The following ASB7 variants were observed in gnomAD, a reference collection of about 807,000 sequenced individuals.
ASB7 encodes ankyrin repeat and SOCS box containing 7, also known as ankyrin repeat and SOCS box protein 7.
A neutral mutation model predicts 32.5 loss-of-function variants in ASB7; 4 were observed. That is an observed-to-expected ratio of 0.12 (90% CI 0.06 to 0.28). The LOEUF is 0.28. Among genes scored for constraint, ASB7 ranks in the 10% least tolerant of loss-of-function variants. The probability of loss-of-function intolerance (pLI) is 1.00; values close to 1 mark genes in which losing one functional copy is unlikely to be tolerated. For synonymous variants in ASB7, 172 were observed against 155.6 expected (o/e 1.11, Z -0.78); for missense variants, 181 against 407.1 (o/e 0.44, Z 4.78).
chr15:100,630,358 T>G, intron 5 of ASB7: 1 of 317,914 alleles, frequency 3.1e-6, no homozygotes, highest in Non-Finnish European at 5.1e-6. Context: ...TTCCTGTTGG[T>G]CATAAGGATA....
At chr15:100,621,846 CTT>C (rs2039795135) in intron 4 of ASB7, among the ~76,000 whole-genome samples, 1 of 149,474 alleles carries the variant, frequency 6.7e-6, no homozygotes, top group Non-Finnish European at 1.5e-5. Flanking sequence ...ATTGATGAAT[CTT>C]TGTCTAGAAT....
At chr15:100,631,486 G>C (rs997111383) in intron 5 of ASB7, among the ~76,000 whole-genome samples, 1 of 152,292 alleles carries the variant, frequency 6.6e-6, no homozygotes, top group South Asian at 2.1e-4. Flanking sequence ...GATACCCGCA[G>C]TGCTGCAGTC....
At chr15:100,633,099 G>A (rs539235216) in intron 5 of ASB7, among the ~76,000 whole-genome samples, 2 of 152,068 alleles carry the variant, frequency 1.3e-5, no homozygotes, top group South Asian at 2.1e-4. Flanking sequence ...ACAGCTAAGA[G>A]GAGCCATAGC....
chr15:100,628,039 G>A (rs2039854386), intron 4 of ASB7, among the ~76,000 whole-genome samples: 1 of 152,194 alleles, frequency 6.6e-6, no homozygotes, highest in Admixed American at 6.5e-5. Context: ...TTAAATTTAA[G>A]TCCTGTGGTA....
In ASB7 at chr15:100,633,411, T is replaced by C. The variant is rs546851664; in HGVS notation, c.817+3369T>C. Among the ~76,000 whole-genome samples the C allele has an allele frequency of 2.0e-5, 3 of 152,104 alleles. No individual in the cohort carries two copies. The East Asian group carries it at 5.8e-4, about 30-fold the overall frequency. ...GGCCAACGTGGTGAAACCCCATCTC[T>C]ACTAAAAATACAAAAATTAGCCGGG... On this transcript the variant is annotated intron_variant, in intron 5 of 5. Transcript: ENST00000332783.
chr15:100,641,831 G>A (rs1243462848), intron 5 of ASB7, among the ~76,000 whole-genome samples: 3 of 152,200 alleles, frequency 2.0e-5, no homozygotes, highest in Non-Finnish European at 4.4e-5. Flanking sequence ...TGGCACTATT[G>A]TAAGCACTTT....
chr15:100,642,533 T>G (rs1197924535), intron 5 of ASB7, among the ~76,000 whole-genome samples: 1 of 152,234 alleles, frequency 6.6e-6, no homozygotes, highest in Non-Finnish European at 1.5e-5. Context: ...CTTAAAGCCC[T>G]TCTGGCTTCC....
chr15:100,617,329 T>A (rs1044993650), intron 4 of ASB7, among the ~76,000 whole-genome samples: 10 of 152,264 alleles, frequency 6.6e-5, no homozygotes, highest in Non-Finnish European at 1.3e-4. Flanking sequence ...GTTTATAGTG[T>A]GATCCACATG....
intron 5 of ASB7, among the ~76,000 whole-genome samples, chr15:100,639,122 G>A (rs182262144): frequency 1.3e-4 from 20 of 152,252 alleles, no homozygotes; most frequent in East Asian, 5.8e-4. Context: ...GGGCTGGGCT[G>A]TATTTTGATT....
chr15:100,606,569 A>G (rs1239121670), intron 2 of ASB7, among the ~76,000 whole-genome samples: 3 of 152,234 alleles, frequency 2.0e-5, no homozygotes, highest in Non-Finnish European at 2.9e-5. Flanking sequence ...TATGTGAAGC[A>G]AGAAGTTTTG....
intron 4 of ASB7, chr15:100,612,630 C>A (rs1036995497): frequency 6.7e-6 from 4 of 598,994 alleles, no homozygotes; most frequent in South Asian, 6.1e-5. Flanking sequence ...TGAATGGATT[C>A]TTTTCCCTGA....
In ASB7 at chr15:100,635,961, C is replaced by T. The variant is rs560778702; in HGVS notation, c.817+5919C>T. On this transcript the variant is annotated intron_variant, in intron 5 of 5. Transcript: ENST00000332783. ...TTACTCTCACCTCCTCATGCTGGAG[C>T]CATGAGAGTGTCTTTACTGGCTCTT... 2.0e-5 allele frequency among the ~76,000 whole-genome samples: 3 copies of T among 152,296 alleles called. No homozygotes were observed. The South Asian group carries it at 6.2e-4, about 32-fold the overall frequency.
intron 5 of ASB7, among the ~76,000 whole-genome samples, chr15:100,634,430 T>G (rs2039907344): frequency 6.6e-6 from 1 of 152,210 alleles, no homozygotes; most frequent in Non-Finnish European, 1.5e-5. Flanking sequence ...TCAGAATGCT[T>G]AAGCACAAAT....
At chr15:100,631,134 A>G (rs1468614008) in intron 5 of ASB7, among the ~76,000 whole-genome samples, 1 of 152,214 alleles carries the variant, frequency 6.6e-6, no homozygotes, top group East Asian at 1.9e-4. Context: ...TAATGTTTTC[A>G]GACTAAAGCG....
chr15:100,634,046 C>G (rs1378544542), intron 5 of ASB7, among the ~76,000 whole-genome samples: 1 of 152,154 alleles, frequency 6.6e-6, no homozygotes, highest in Non-Finnish European at 1.5e-5. Context: ...GTGACACAAG[C>G]AGATGTTATT....
chr15:100,610,230 C>G (rs11852820), intron 3 of ASB7, among the ~76,000 whole-genome samples: 57,609 of 151,796 alleles, frequency 0.38, 11,242 homozygotes, highest in South Asian at 0.47. Context: ...CGCAGTGGCT[C>G]ACGCCTGTAA....
intron 5 of ASB7, among the ~76,000 whole-genome samples, chr15:100,638,671 C>T (rs28445593): frequency 0.014 from 2,098 of 152,284 alleles, 46 homozygotes; most frequent in African/African-American, 0.048. Flanking sequence ...CTTACTTTGA[C>T]AGAGCATCTT....
intron 4 of ASB7, among the ~76,000 whole-genome samples, chr15:100,616,888 C>T (rs2039748678): frequency 6.6e-6 from 1 of 152,206 alleles, no homozygotes; most frequent in African/African-American, 2.4e-5. Context: ...GTGTAGCCAA[C>T]TATGTGTTTA....
In ASB7 at chr15:100,629,357, CCA is replaced by C. The variant is rs1229487473; in HGVS notation, c.212-77_212-76del. ...GCTTCACATTTTATATGAGAATTGG[CCA>C]CAGTTTGCTGTGCCATGGTAATGTT... On this transcript the variant is annotated intron_variant, in intron 4 of 5. Coordinates refer to ENST00000332783, the MANE Select transcript of ASB7 (RefSeq NM_198243.3). The surrounding 1 kb of genome is among the most constrained non-coding windows in gnomAD (Gnocchi z 6.8). 4.5e-5 allele frequency: 57 copies of C among 1,278,364 alleles called. 2 individuals carry two copies. In the South Asian group the frequency reaches 5.0e-4, roughly 11 times the overall value. 79.2% of individuals were successfully genotyped at this position (1,278,364 alleles called of 1,614,324 possible). A position where few individuals can be genotyped will look rare whatever the true frequency, so the allele number is the denominator to read the frequency against.
Sources: allele counts gnomAD v4.1 joint callset (sites outside exome capture counted in the v4.1 genomes callset), GRCh38; gene constraint gnomAD v4.1.1; non-coding constraint Gnocchi (gnomAD v3.1); transcripts MANE v1.5; gene names NCBI Gene and HGNC (gene_info 2026-07-23, HGNC 2026-07-21).